The following CACNA1D variants were observed in gnomAD, a reference collection of about 807,000 sequenced individuals.
CACNA1D encodes the protein calcium voltage-gated channel subunit alpha1 D, also known as voltage-dependent L-type calcium channel subunit alpha-1D.
In CACNA1D, 55 loss-of-function variants were observed where a neutral mutation model predicts 257.1. The ratio of observed to expected loss-of-function variants is 0.21; its 90% CI spans 0.17 to 0.27. CACNA1D has a LOEUF of 0.27. Among genes scored for constraint, CACNA1D ranks in the 10% least tolerant of loss-of-function variants. The pLI, the probability that CACNA1D is intolerant of heterozygous loss-of-function variation, is 1.00. For missense variants in CACNA1D, 1,876 were observed against 2,784.0 expected, an observed-to-expected ratio of 0.67 and a Z score of 7.34; for synonymous variants, 980 against 1,014.9, an observed-to-expected ratio of 0.97 and a Z score of 0.65.
intron 3 of CACNA1D, among the ~76,000 whole-genome samples, chr3:53,552,654 T>A (rs918290434): frequency 6.6e-6 from 1 of 152,246 alleles, no homozygotes; most frequent in Non-Finnish European, 1.5e-5. Context: ...GTGCTGGGGT[T>A]ACAGGACATT....
chr3:53,776,062 G>A lies in CACNA1D; in HGVS notation c.4362+17G>A. 1 of 1,609,816 alleles carries A rather than the reference G, an allele frequency of 6.2e-7. No homozygotes were observed. The highest frequency in any genetic ancestry group is 1.1e-5 in the South Asian group (1 of 91,018). ...GCATTTCTGGTAAGTGAGCAACACAGCTCCCCCTCTCAATTTACAGATGCT... is the reference window on the plus strand; with the variant it reads ...GCATTTCTGGTAAGTGAGCAACACAACTCCCCCTCTCAATTTACAGATGCT... On this transcript the variant is annotated intron_variant, in intron 35 of 47. Coordinates refer to ENST00000350061, the MANE Select transcript of CACNA1D (RefSeq NM_001128840.3).
At chr3:53,738,560 G>A (rs1042663861) in intron 20 of CACNA1D, among the ~76,000 whole-genome samples, 1 of 152,124 alleles carries the variant, frequency 6.6e-6, no homozygotes, top group Non-Finnish European at 1.5e-5. Context: ...TCTAGGATTC[G>A]CATTGACAAG....
chr3:53,668,595 A>G (rs2094292646), intron 7 of CACNA1D, among the ~76,000 whole-genome samples: 1 of 152,200 alleles, frequency 6.6e-6, no homozygotes, highest in African/African-American at 2.4e-5. Context: ...AGATGGAGAC[A>G]GTGGCGTAGA....
chr3:53,562,034 A>G (rs1475853560), intron 3 of CACNA1D, among the ~76,000 whole-genome samples: 4 of 152,234 alleles, frequency 2.6e-5, no homozygotes, highest in Non-Finnish European at 4.4e-5. Flanking sequence ...AGTTTTGTAC[A>G]TATCCTTGTA....
chr3:53,744,780 A>G lies in CACNA1D; in HGVS notation c.2959A>G (p.Arg987Gly). 1 of 1,611,396 alleles carries G rather than the reference A, an allele frequency of 6.2e-7. No homozygotes were observed. The change falls in exon 23 of 48, where the codon AGG (arginine) becomes GGG (glycine). Residue 987 changes from arginine (R) to glycine (G), a missense_variant. Transcript: ENST00000350061. Reference protein sequence around the residue: ...ISVVKILRVLRVLRPLRAINR... With the variant: ...ISVVKILRVLGVLRPLRAINR... ...CGTTGTGAAGATTCTGAGGGTCTTA[A>G]GGGTCCTGCGTCCCCTCAGGGCCAT... is the stretch of plus-strand genomic sequence containing the variant.
chr3:53,663,777 GTC>G (rs541515346), intron 5 of CACNA1D, among the ~76,000 whole-genome samples: 236 of 149,174 alleles, frequency 1.6e-3, no homozygotes, highest in African/African-American at 3.9e-3. Flanking sequence ...GGAAATAATC[GTC>G]TCTCTCTCTC....
At chr3:53,656,947 A>G (rs1407399560) in intron 4 of CACNA1D, among the ~76,000 whole-genome samples, 1 of 152,208 alleles carries the variant, frequency 6.6e-6, no homozygotes, top group Non-Finnish European at 1.5e-5. Context: ...ACTCTCATAC[A>G]CCACTTGTAG....
At chr3:53,748,959 G>T in intron 26 of CACNA1D, 1 of 476,656 alleles carries the variant, frequency 2.1e-6, no homozygotes, top group Non-Finnish European at 3.9e-6. Context: ...TTCCTCCAGT[G>T]TCTTACACGT....
intron 3 of CACNA1D, among the ~76,000 whole-genome samples, chr3:53,581,138 C>T (rs1405134172): frequency 6.6e-6 from 1 of 152,200 alleles, no homozygotes; most frequent in Non-Finnish European, 1.5e-5. Context: ...AATTGATGTG[C>T]AGCGCTTGTC....
intron 3 of CACNA1D, among the ~76,000 whole-genome samples, chr3:53,636,340 G>A (rs1278690095): frequency 6.6e-6 from 1 of 152,190 alleles, no homozygotes; most frequent in Non-Finnish European, 1.5e-5. Context: ...GTCTTGTGCT[G>A]TCACCCAGGG....
At chr3:53,719,823 C>T (rs759613686) in intron 11 of CACNA1D, 42 bp downstream of exon 11, 43 of 1,580,416 alleles carry the variant, frequency 2.7e-5, no homozygotes, top group Non-Finnish European at 3.7e-5. Flanking sequence ...CTGTGTGTTG[C>T]CTTTGTATGT....
Position 53,751,281 on chromosome 3 carries a change from T to C in CACNA1D, c.3517-468T>C, listed in dbSNP as rs1214179898. 2.0e-5 allele frequency among the ~76,000 whole-genome samples: 3 copies of C among 152,216 alleles called. No individual in the cohort carries two copies. Among genetic ancestry groups the C allele is most frequent in the Non-Finnish European group, 2.9e-5 (2 of 68,028 alleles). ...AATGAGCCAGCCCCTCTCGTTCTTG[T>C]GAGTTTCTGTGGTTACTTGGCCTCC... On this transcript the variant is annotated intron_variant, in intron 27 of 47. Coordinates refer to ENST00000350061, the MANE Select transcript of CACNA1D (RefSeq NM_001128840.3). This position sits in a 1 kb window ranked among gnomAD's most constrained non-coding sequence, Gnocchi z 4.3.
intron 21 of CACNA1D, among the ~76,000 whole-genome samples, chr3:53,740,914 C>T (rs2095111078): frequency 6.6e-6 from 1 of 152,138 alleles, no homozygotes; most frequent in African/African-American, 2.4e-5. Flanking sequence ...AAAATAGTAA[C>T]ACACTATTTT....
rs1276922368 is a variant in CACNA1D at position 53,800,322 on chromosome 3, A to G, written c.4997A>G (p.Glu1666Gly). The G allele has an allele frequency of 1.2e-6, 2 of 1,613,846 alleles. No individual in the cohort carries two copies. The highest frequency in any genetic ancestry group is 1.7e-6 in the Non-Finnish European group (2 of 1,179,802). ...RAISCDLQDDEPEETKREEED... is the reference protein window; with the variant it reads ...RAISCDLQDDGPEETKREEED... Reference sequence around the variant, plus strand: ...ATATCGTGTGATTTGCAAGATGACGAGCCTGAGGAAACAAAACGAGAAGAA... The same window carrying G: ...ATATCGTGTGATTTGCAAGATGACGGGCCTGAGGAAACAAAACGAGAAGAA... Residue 1666 changes from glutamate (E) to glycine (G), a missense_variant, in exon 41 of 48, where the codon GAG becomes GGG. By Grantham distance (98) the Glu-to-Gly change is moderately conservative. Transcript: ENST00000350061. This position sits in a 1 kb window ranked among gnomAD's most constrained non-coding sequence, Gnocchi z 4.3.
Position 53,749,443 on chromosome 3 carries a change from A to G in CACNA1D, c.3490A>G (p.Lys1164Glu). Residue 1164 changes from lysine (K) to glutamate (E), a missense_variant, in exon 27 of 48, where the codon AAG becomes GAG. By Grantham distance (56) the Lys-to-Glu change is moderately conservative (BLOSUM62 1). This residue lies in a region of CACNA1D where 204 missense variants were observed against 309.4 expected (regional missense o/e 0.66). Coordinates refer to ENST00000350061, the MANE Select transcript of CACNA1D (RefSeq NM_001128840.3). ...TCAGGAACAAGGAGAAAAAGAGTAT[A>G]AGAACTGTGAGCTGGACAAAAATCA... ...TFQEQGEKEY[K>E]NCELDKNQRQ... is the part of the protein sequence containing the mutation. The G allele has an allele frequency of 6.2e-7, 1 of 1,613,816 alleles. No individual in the cohort carries two copies. Among genetic ancestry groups the G allele is most frequent in the Non-Finnish European group, 8.5e-7 (1 of 1,179,678 alleles).
chr3:53,605,121 A>G (rs1043375827), intron 3 of CACNA1D, among the ~76,000 whole-genome samples: 4 of 152,222 alleles, frequency 2.6e-5, no homozygotes, highest in Non-Finnish European at 5.9e-5. Flanking sequence ...TCAGATTTCC[A>G]TACTGTACTG....
chr3:53,745,958 G>A, intron 25 of CACNA1D, 83 bp downstream of exon 25: 8 of 1,105,870 alleles, frequency 7.2e-6, no homozygotes, highest in Non-Finnish European at 1.1e-5. Flanking sequence ...CACGTCAGAA[G>A]TTTTGGTCGT....
intron 3 of CACNA1D, among the ~76,000 whole-genome samples, chr3:53,536,174 C>T (rs2092109868): frequency 6.6e-6 from 1 of 152,086 alleles, no homozygotes; most frequent in Non-Finnish European, 1.5e-5. Flanking sequence ...CTCATGGCTC[C>T]AAAAGGGGCT....
At chr3:53,614,509 A>G (rs1353352994) in intron 3 of CACNA1D, among the ~76,000 whole-genome samples, 1 of 152,228 alleles carries the variant, frequency 6.6e-6, no homozygotes, top group African/African-American at 2.4e-5. Context: ...CTGGCCCTGG[A>G]GAAGGCAGGT....
Sources: allele counts gnomAD v4.1 joint callset (sites outside exome capture counted in the v4.1 genomes callset), GRCh38; gene constraint gnomAD v4.1.1; regional missense constraint gnomAD v4.1.1; non-coding constraint Gnocchi (gnomAD v3.1); transcripts MANE v1.5; gene names NCBI Gene and HGNC (gene_info 2026-07-23, HGNC 2026-07-21).